The following ARHGEF10 variants were observed in gnomAD, a reference collection of about 807,000 sequenced individuals.
ARHGEF10 encodes Rho guanine nucleotide exchange factor (GEF) 10.
In ARHGEF10, 140 loss-of-function variants were observed where a neutral mutation model predicts 147.4. The ratio of observed to expected loss-of-function variants is 0.95; its 90% CI spans 0.83 to 1.09. The LOEUF is 1.09. ARHGEF10 is among the 50% of genes least tolerant of loss of function. The probability of loss-of-function intolerance (pLI) is 0.00; values close to 1 mark genes in which losing one functional copy is unlikely to be tolerated. For missense variants in ARHGEF10, 2,222 were observed against 1,752.7 expected, an observed-to-expected ratio of 1.27 and a Z score of -4.78; for synonymous variants, 902 against 695.8, an observed-to-expected ratio of 1.30 and a Z score of -4.67.
intron 7 of ARHGEF10, among the ~76,000 whole-genome samples, chr8:1,873,311 C>T (rs750117493): frequency 6.6e-6 from 1 of 152,178 alleles, no homozygotes; most frequent in Non-Finnish European, 1.5e-5. Context: ...CACAGCACGG[C>T]AGCAGAAAAA....
intron 11 of ARHGEF10, 131 bp downstream of exon 11, chr8:1,885,838 T>G: frequency 2.6e-6 from 2 of 762,644 alleles, no homozygotes; most frequent in Non-Finnish European, 2.3e-6. Context: ...CCCTCCACTG[T>G]AGGTTCCTGG....
chr8:1,831,771 G>C (rs1005112084), intron 1 of ARHGEF10, among the ~76,000 whole-genome samples: 3 of 152,258 alleles, frequency 2.0e-5, no homozygotes, highest in Non-Finnish European at 4.4e-5. Context: ...CACCTGCACA[G>C]GGTGCTCCTG....
chr8:1,892,275 C>CTG (rs1491241969), intron 11 of ARHGEF10, among the ~76,000 whole-genome samples: 1 of 93,378 alleles, frequency 1.1e-5, no homozygotes, highest in Non-Finnish European at 2.1e-5. Context: ...CAGCTTCTGG[C>CTG]TCTGTGTGTG....
intron 18 of ARHGEF10, among the ~76,000 whole-genome samples, chr8:1,913,133 G>T (rs1292733630): frequency 6.6e-6 from 1 of 152,108 alleles, no homozygotes; most frequent in Non-Finnish European, 1.5e-5. Flanking sequence ...AGTAGGAGTT[G>T]TGGGGGTGGG....
At chr8:1,861,795 C>T (rs991633980) in intron 4 of ARHGEF10, among the ~76,000 whole-genome samples, 5 of 152,154 alleles carry the variant, frequency 3.3e-5, no homozygotes, top group African/African-American at 4.8e-5. Flanking sequence ...TCTGTGACCG[C>T]GGAGCATGAG....
chr8:1,942,444 G>A (rs772745581), intron 26 of ARHGEF10, among the ~76,000 whole-genome samples: 1 of 151,836 alleles, frequency 6.6e-6, no homozygotes, highest in Non-Finnish European at 1.5e-5. Context: ...GAATAATAAT[G>A]TTAGTGGAGC....
chr8:1,868,875 T>C lies in ARHGEF10; in HGVS notation c.623-319T>C, dbSNP rs959597840. ...TGAACACAAAATCATAGAATAAGTT[T>C]GACCTGGAAACCATAAAACTCCTTC... On this transcript the variant is annotated intron_variant, in intron 6 of 28. Coordinates refer to ENST00000349830, the MANE Select transcript of ARHGEF10 (RefSeq NM_014629.4). 3.3e-5 allele frequency among the ~76,000 whole-genome samples: 5 copies of C among 152,148 alleles called. No homozygotes were observed. The East Asian group carries it at 9.6e-4, about 29-fold the overall frequency.
Position 1,956,907 on chromosome 8 carries a change from G to C in ARHGEF10, c.3679G>C (p.Gly1227Arg). The change falls in exon 29 of 29, where the codon GGA becomes CGA. Residue 1227 changes from glycine to arginine, a missense_variant. By Grantham distance (125) the Gly-to-Arg change is moderately radical. Transcript: ENST00000349830. ...CCAGAAGGACGCACTTCCGAGTGGA[G>C]GAGCTGGTTCATCTCTGAGCCAGGG... ...EDQKDALPSG[G>R]AGSSLSQGDP... The C allele has an allele frequency of 1.9e-6, 3 of 1,614,168 alleles. No homozygotes were observed. Among genetic ancestry groups the C allele is most frequent in the Non-Finnish European group, 2.5e-6 (3 of 1,180,034 alleles).
At chr8:1,857,882 C>CGA (rs1805684907) in intron 2 of ARHGEF10, 78 bp from the exon 3 acceptor site, 8 of 606,156 alleles carry the variant, frequency 1.3e-5, no homozygotes, top group Admixed American at 1.2e-4. Flanking sequence ...ATCGATCGAT[C>CGA]TATCTATCTA....
chr8:1,954,703 T>C (rs535891045), intron 28 of ARHGEF10, among the ~76,000 whole-genome samples: 2 of 152,220 alleles, frequency 1.3e-5, no homozygotes, highest in Non-Finnish European at 2.9e-5. Context: ...ATGATGATGC[T>C]GAGTTTTACG....
At chr8:1,853,753 G>A (rs1001611742) in intron 2 of ARHGEF10, among the ~76,000 whole-genome samples, 1 of 152,224 alleles carries the variant, frequency 6.6e-6, no homozygotes, top group Non-Finnish European at 1.5e-5. Flanking sequence ...GGCTGTGTGT[G>A]CTCCCCGGGA....
intron 26 of ARHGEF10, 62 bp downstream of exon 26, chr8:1,934,004 C>G: frequency 6.2e-7 from 1 of 1,608,512 alleles, no homozygotes; most frequent in Non-Finnish European, 8.5e-7. Context: ...GCTCAGCTGA[C>G]TTCTGGTGCC....
intron 2 of ARHGEF10, among the ~76,000 whole-genome samples, chr8:1,848,654 A>T (rs1804737828): frequency 6.6e-6 from 1 of 152,372 alleles, no homozygotes; most frequent in South Asian, 2.1e-4. Flanking sequence ...AAAAATTACA[A>T]TGCATGTTAA....
chr8:1,829,383 G>A (rs144956404), intron 1 of ARHGEF10, among the ~76,000 whole-genome samples: 2,153 of 152,376 alleles, frequency 0.014, 75 homozygotes, highest in East Asian at 0.086. Context: ...CCTGTGGGCG[G>A]TTGCCCTGTG....
At position 1,828,186 on chromosome 8, in the gene ARHGEF10, G is replaced by A. The variant is rs114517333; in HGVS notation, c.-48+4073G>A. Among the ~76,000 whole-genome samples the A allele has an allele frequency of 7.3e-3, 1,105 of 152,342 alleles. 14 individuals carry two copies. The highest frequency in any genetic ancestry group is 0.025 in the African/African-American group (1,054 of 41,568). ...TGAGTCAGGCTCCTGCAAGTCGTAG[G>A]TGTTGCTTCCGTGCTGAGATCACGT... On this transcript the variant is annotated intron_variant, in intron 1 of 28. Transcript: ENST00000349830.
At chr8:1,878,295 T>G (rs748852500) in intron 8 of ARHGEF10, among the ~76,000 whole-genome samples, 2 of 152,126 alleles carry the variant, frequency 1.3e-5, no homozygotes, top group Non-Finnish European at 2.9e-5. Flanking sequence ...ATTCAAGTAA[T>G]TCTCCTGCCT....
At chr8:1,863,821 T>C (rs2294029) in intron 4 of ARHGEF10, among the ~76,000 whole-genome samples, 80,764 of 151,650 alleles carry the variant, frequency 0.53, 21,622 homozygotes, top group East Asian at 0.69. Flanking sequence ...GGAGGAATCG[T>C]CAGGCGGGTC....
chr8:1,952,767 A>G lies in ARHGEF10; in HGVS notation c.3460A>G (p.Ser1154Gly). The G allele has an allele frequency of 6.2e-7, 1 of 1,613,580 alleles. No individual in the cohort carries two copies. The highest frequency in any genetic ancestry group is 8.5e-7 in the Non-Finnish European group (1 of 1,180,040). ...VCHGLLMVGT[S>G]LGVLVALPVP... The stretch of plus-strand genomic sequence containing the variant: ...CCACGGATTGCTGATGGTCGGCACC[A>G]GCCTGGGAGTCCTCGTGGCCCTGCC... Residue 1154 changes from serine (S) to glycine (G), a missense_variant, in exon 28 of 29, where the codon AGC becomes GGC. By Grantham distance (56) the Ser-to-Gly change is moderately conservative (BLOSUM62 0). Transcript: ENST00000349830.
At chr8:1,882,600 GCCGTC>G (rs1808299575) in intron 9 of ARHGEF10, 30 bp from the exon 10 acceptor site, 1 of 1,527,332 alleles carries the variant, frequency 6.5e-7, no homozygotes, top group Admixed American at 2.0e-5. Flanking sequence ...GGGTTCTGCC[GCCGTC>G]CCGTTCTCAC....
Sources: allele counts gnomAD v4.1 joint callset (sites outside exome capture counted in the v4.1 genomes callset), GRCh38; gene constraint gnomAD v4.1.1; transcripts MANE v1.5; gene names NCBI Gene and HGNC (gene_info 2026-07-23, HGNC 2026-07-21).